NBEA: variants seen among roughly 807,000 people sequenced by gnomAD.
NBEA encodes lysosomal-trafficking regulator 2.
NBEA carries 44 observed loss-of-function variants against 343.4 expected under a neutral mutation model. The ratio of observed to expected loss-of-function variants is 0.13; its 90% CI spans 0.10 to 0.16. The LOEUF is 0.16. Among genes scored for constraint, NBEA ranks in the 10% least tolerant of loss-of-function variants. NBEA has a pLI of 1.00. For missense variants in NBEA, 2,555 were observed against 3,631.3 expected (o/e 0.70, Z 7.62); for synonymous variants, 1,175 against 1,238.7 (o/e 0.95, Z 1.08).
chr13:35,473,771 A>G (rs1310400774), intron 41 of NBEA, among the ~76,000 whole-genome samples: 4 of 152,236 alleles, frequency 2.6e-5, no homozygotes, highest in Non-Finnish European at 5.9e-5. Flanking sequence ...TACATAAAAT[A>G]AGGTTTGACA....
chr13:34,970,901 T>C (rs2152498930), intron 1 of NBEA, among the ~76,000 whole-genome samples: 1 of 152,364 alleles, frequency 6.6e-6, no homozygotes, highest in South Asian at 2.1e-4. Flanking sequence ...TTTTTTCTGG[T>C]TCTGTGAAGA....
chr13:35,630,066 T>A (rs12874837), intron 49 of NBEA, among the ~76,000 whole-genome samples: 3 of 99,242 alleles, frequency 3.0e-5, no homozygotes, highest in Admixed American at 8.7e-5. Flanking sequence ...TAAAATAAAT[T>A]AAATAAATTA....
rs1433741380 is a variant in NBEA at position 35,654,868 on chromosome 13, T to A, written c.8049T>A (p.Gly2683=). Residue 2683 remains glycine, a synonymous_variant, in exon 54 of 59, where the codon GGT becomes GGA. Transcript: ENST00000379939. ...ATTTACTTTTAGCCAATAATTCAGG[T>A]GTAAACAAACGGCAGATCACAGACC... The part of the protein sequence containing the change: ...EMDPLIANNS[G]VNKRQITDLV... 45 of 1,575,152 alleles carry A rather than the reference T, an allele frequency of 2.9e-5. No individual in the cohort carries two copies. In the Admixed American group the frequency reaches 2.9e-4, roughly 10 times the overall value.
In NBEA at chr13:35,452,204, G is replaced by A; in HGVS notation, c.6417G>A (p.Leu2139=). The A allele has an allele frequency of 6.3e-7, 1 of 1,593,794 alleles. No homozygotes were observed. The highest frequency in any genetic ancestry group is 8.6e-7 in the Non-Finnish European group (1 of 1,169,568). Residue 2139 remains leucine, a synonymous_variant, in exon 40 of 59, where the codon CTG becomes CTA. Coordinates refer to ENST00000379939, the MANE Select transcript of NBEA (RefSeq NM_001385012.1). The part of the protein sequence containing the change: ...MLEGDDDAVS[L]LQEKEIDNLA... ...AAGGAGACGATGATGCAGTCAGTCT[G>A]CTACAGGAGAAAGAAATTGACAACC... is the stretch of plus-strand genomic sequence containing the variant.
At chr13:35,637,215 AG>A (rs1344661281) in intron 49 of NBEA, among the ~76,000 whole-genome samples, 1 of 152,200 alleles carries the variant, frequency 6.6e-6, no homozygotes, top group African/African-American at 2.4e-5. Context: ...ATTCATCTTT[AG>A]GGAAATGCAA....
chr13:35,213,196 T>C (rs1019964392), intron 33 of NBEA, among the ~76,000 whole-genome samples: 2 of 152,056 alleles, frequency 1.3e-5, no homozygotes, highest in Admixed American at 1.3e-4. Context: ...TATACGAAGA[T>C]GACCCAGCAC....
chr13:35,057,026 T>G (rs575757339), intron 7 of NBEA, among the ~76,000 whole-genome samples: 2 of 152,252 alleles, frequency 1.3e-5, no homozygotes, highest in East Asian at 3.9e-4. Flanking sequence ...ATAACTAGAA[T>G]CAAAACCTCA....
intron 36 of NBEA, among the ~76,000 whole-genome samples, chr13:35,347,994 T>C (rs1594301838): frequency 6.6e-6 from 1 of 152,130 alleles, no homozygotes; most frequent in Non-Finnish European, 1.5e-5. Context: ...TGGCATCTTA[T>C]GTCCTAGCCT....
intron 41 of NBEA, among the ~76,000 whole-genome samples, chr13:35,535,131 C>A (rs758535679): frequency 3.3e-5 from 5 of 152,062 alleles, no homozygotes; most frequent in Non-Finnish European, 7.4e-5. Context: ...GTGAAAGGTA[C>A]TCATTTGCCA....
chr13:35,058,629 A>C (rs2063352538), intron 7 of NBEA, 88 bp from the exon 8 acceptor site: 2 of 973,838 alleles, frequency 2.1e-6, no homozygotes, highest in African/African-American at 3.3e-5. Context: ...ATATTTTAAA[A>C]TATTCATGAT....
At chr13:35,182,309 C>T in intron 28 of NBEA, 51 bp from the exon 29 acceptor site, 1 of 1,537,218 alleles carries the variant, frequency 6.5e-7, no homozygotes, top group Non-Finnish European at 8.7e-7. Flanking sequence ...GCTTTAAGAA[C>T]TTATACTTCA....
At chr13:35,115,127 A>G (rs1593392600) in intron 13 of NBEA, among the ~76,000 whole-genome samples, 1 of 152,136 alleles carries the variant, frequency 6.6e-6, no homozygotes, top group East Asian at 1.9e-4. Context: ...AAGTGAAATC[A>G]TACAAAGGTT....
At chr13:35,172,234 AGAATGGTGG>A (rs2070519546) in intron 26 of NBEA, among the ~76,000 whole-genome samples, 2 of 152,004 alleles carry the variant, frequency 1.3e-5, no homozygotes, top group South Asian at 4.2e-4. Flanking sequence ...ACTTGGTTTA[AGAATGGTGG>A]GATGAAACCT....
chr13:35,343,511 T>C (rs2039704537), intron 36 of NBEA, among the ~76,000 whole-genome samples: 1 of 152,118 alleles, frequency 6.6e-6, no homozygotes, highest in Admixed American at 6.6e-5. Context: ...CCCCAATCCC[T>C]GGGCCACAGG....
At chr13:35,117,196 C>CA (rs1390128938) in intron 13 of NBEA, among the ~76,000 whole-genome samples, 4 of 151,632 alleles carry the variant, frequency 2.6e-5, no homozygotes, top group Non-Finnish European at 4.4e-5. Context: ...CTTTTTTCCA[C>CA]AAAATCAGAC....
intron 34 of NBEA, chr13:35,250,945 A>G (rs1193323765): frequency 6.6e-6 from 1 of 152,292 alleles, no homozygotes; most frequent in Non-Finnish European, 1.5e-5. Flanking sequence ...AATTTACAGT[A>G]GTTATTACAT....
intron 40 of NBEA, among the ~76,000 whole-genome samples, chr13:35,464,202 A>G (rs1158933369): frequency 6.6e-6 from 1 of 152,198 alleles, no homozygotes; most frequent in Non-Finnish European, 1.5e-5. Context: ...GCTCTGCACT[A>G]TAATTTCTGA....
intron 36 of NBEA, among the ~76,000 whole-genome samples, chr13:35,341,612 C>A (rs1038084111): frequency 6.6e-6 from 1 of 151,998 alleles, no homozygotes; most frequent in Non-Finnish European, 1.5e-5. Context: ...CCAAAGAAGA[C>A]ATACAGGTGG....
chr13:35,525,553 C>CAATA lies in NBEA; in HGVS notation c.6586-24902_6586-24899dup, dbSNP rs532623658. Among the ~76,000 whole-genome samples, 442 of 151,662 alleles carry CAATA rather than the reference C, an allele frequency of 2.9e-3. 2 individuals are homozygous for CAATA. Among genetic ancestry groups the CAATA allele is most frequent in the African/African-American group, 7.2e-3 (299 of 41,322 alleles). The stretch of plus-strand genomic sequence containing the variant: ...GCATGACAGGAGCAAGATTCCATCT[C>CAATA]AATAAATAAATAAATAAATAAATAA... On this transcript the variant is annotated intron_variant, in intron 41 of 58. Coordinates refer to ENST00000379939, the MANE Select transcript of NBEA (RefSeq NM_001385012.1).
Sources: allele counts gnomAD v4.1 joint callset (sites outside exome capture counted in the v4.1 genomes callset), GRCh38; gene constraint gnomAD v4.1.1; transcripts MANE v1.5; gene names NCBI Gene and HGNC (gene_info 2026-07-23, HGNC 2026-07-21).